The following TPP2 variants were observed in gnomAD, a reference collection of about 807,000 sequenced individuals.
The protein encoded by TPP2 is tripeptidyl peptidase 2.
In TPP2, 34 loss-of-function variants were observed where a neutral mutation model predicts 155.9. The ratio of observed to expected loss-of-function variants is 0.22; its 90% confidence interval spans 0.17 to 0.29. The LOEUF is 0.29. TPP2 is among the 10% of genes least tolerant of loss of function. The pLI is 1.00. For synonymous variants in TPP2, 510 were observed against 529.4 expected (o/e 0.96, Z 0.50); for missense variants, 1,028 against 1,522.3 (o/e 0.68, Z 5.40).
intron 24 of TPP2, among the ~76,000 whole-genome samples, chr13:102,656,209 CT>C (rs1478277029): frequency 6.6e-6 from 1 of 152,174 alleles, no homozygotes; most frequent in Non-Finnish European, 1.5e-5. Context: ...AAGCAGAAAT[CT>C]TTAATCATGT....
At chr13:102,671,677 C>A (rs910231623) in intron 27 of TPP2, among the ~76,000 whole-genome samples, 6 of 152,132 alleles carry the variant, frequency 3.9e-5, no homozygotes, top group African/African-American at 1.4e-4. Flanking sequence ...ATGCCGCTTG[C>A]CTAAGACAGG....
chr13:102,614,781 G>A (rs1279421500), intron 3 of TPP2, among the ~76,000 whole-genome samples: 1 of 152,142 alleles, frequency 6.6e-6, no homozygotes, highest in African/African-American at 2.4e-5. Flanking sequence ...CTGTGATAAT[G>A]GAAATGTTTG....
chr13:102,674,570 A>G (rs891802082), intron 28 of TPP2, 80 bp downstream of exon 28: 2 of 1,377,826 alleles, frequency 1.5e-6, no homozygotes, highest in Non-Finnish European at 2.0e-6. Flanking sequence ...GCTGGTTAAA[A>G]GAGGAAGAAG....
intron 1 of TPP2, among the ~76,000 whole-genome samples, chr13:102,604,111 G>A (rs1444388058): frequency 1.3e-5 from 2 of 152,162 alleles, no homozygotes; most frequent in African/African-American, 4.8e-5. Context: ...AAAATCAGGT[G>A]GTGGGGGGCA....
intron 27 of TPP2, among the ~76,000 whole-genome samples, chr13:102,670,444 A>C (rs1436518342): frequency 6.6e-6 from 1 of 152,180 alleles, no homozygotes; most frequent in Non-Finnish European, 1.5e-5. Context: ...AGGGAGATAG[A>C]GTTTTAGTTC....
At chr13:102,625,314 A>G (rs531580448) in intron 6 of TPP2, among the ~76,000 whole-genome samples, 2 of 150,384 alleles carry the variant, frequency 1.3e-5, no homozygotes, top group Non-Finnish European at 3.0e-5. Context: ...GCAGGCGCCC[A>G]CTACCATGCC....
At chr13:102,633,358 A>G (rs1882148823) in intron 10 of TPP2, among the ~76,000 whole-genome samples, 1 of 152,162 alleles carries the variant, frequency 6.6e-6, no homozygotes, top group African/African-American at 2.4e-5. Context: ...TGTACACCAA[A>G]TTTCAAAGAC....
chr13:102,675,892 C>T (rs1885254912), intron 28 of TPP2, among the ~76,000 whole-genome samples: 1 of 152,088 alleles, frequency 6.6e-6, no homozygotes, highest in Non-Finnish European at 1.5e-5. Context: ...CAGGTAAAAA[C>T]TTGTACCAAA....
At position 102,667,645 on chromosome 13, in the gene TPP2, C is replaced by T. The variant is rs532813610; in HGVS notation, c.3371+2720C>T. On this transcript the variant is annotated intron_variant, in intron 27 of 29. Transcript: ENST00000376052. Reference sequence around the variant, plus strand: ...AAAACCTAAGGAGAGGAAAGGAATACTCCAGATATGTAGAATTTAGATTAC... The same window carrying T: ...AAAACCTAAGGAGAGGAAAGGAATATTCCAGATATGTAGAATTTAGATTAC... 15 of 627,466 alleles carry T rather than the reference C, an allele frequency of 2.4e-5. No homozygotes were observed. The South Asian group carries it at 8.4e-4, about 35-fold the overall frequency. 38.9% of individuals were successfully genotyped at this position (627,466 alleles called of 1,614,324 possible). A position where few individuals can be genotyped will look rare whatever the true frequency, so the allele number is the denominator to read the frequency against.
intron 24 of TPP2, among the ~76,000 whole-genome samples, chr13:102,652,809 T>A (rs595671): frequency 0.5 from 75,193 of 151,784 alleles, 19,043 homozygotes; most frequent in African/African-American, 0.6. Flanking sequence ...AGCATTTTTT[T>A]AAAATAGGAA....
chr13:102,619,235 A>G (rs1022792430), intron 5 of TPP2, among the ~76,000 whole-genome samples: 1 of 152,298 alleles, frequency 6.6e-6, no homozygotes, highest in South Asian at 2.1e-4. Flanking sequence ...TGCTGTTTCT[A>G]TTACTAAAAC....
Position 102,678,227 on chromosome 13 carries a change from C to A in TPP2, c.3700C>A (p.Leu1234Met). The change falls in exon 30 of 30, where the codon CTG (leucine) becomes ATG (methionine). Residue 1234 changes from leucine to methionine, a missense_variant and splice_region_variant. Leu to Met is a conservative substitution (Grantham distance 15, BLOSUM62 2). Coordinates refer to ENST00000376052, the MANE Select transcript of TPP2 (RefSeq NM_001330588.2). ...TKENWKNCIQLMKLLGWTHCA... is the reference protein window; with the variant it reads ...TKENWKNCIQMMKLLGWTHCA... ...AATATATTATTGTATTTTGTTGTAG[C>A]TGATGAAGTTACTTGGATGGACCCA... 1 of 1,610,336 alleles carries A rather than the reference C, an allele frequency of 6.2e-7. No individual in the cohort carries two copies. The highest frequency in any genetic ancestry group is 8.5e-7 in the Non-Finnish European group (1 of 1,178,594).
In TPP2 at chr13:102,644,557, G is replaced by T; in HGVS notation, c.2176G>T (p.Gly726Cys). 1 of 1,597,364 alleles carries T rather than the reference G, an allele frequency of 6.3e-7. No individual in the cohort carries two copies. Among genetic ancestry groups the T allele is most frequent in the Non-Finnish European group, 8.5e-7 (1 of 1,172,440 alleles). Residue 726 changes from glycine (G) to cysteine (C), a missense_variant and splice_region_variant, in exon 18 of 30, where the codon GGT becomes TGT. By Grantham distance (159) the Gly-to-Cys change is radical. Coordinates refer to ENST00000376052, the MANE Select transcript of TPP2 (RefSeq NM_001330588.2). The part of the protein sequence containing the change: ...GTLTEAFPVL[G>C]GKAIEFCIAR... The stretch of plus-strand genomic sequence containing the variant: ...ATATTTTATTTACTTTTATTTGCAG[G>T]GTGGAAAAGCAATTGAATTTTGCAT...
intron 5 of TPP2, among the ~76,000 whole-genome samples, chr13:102,620,143 G>A (rs1028323155): frequency 2.0e-5 from 3 of 152,182 alleles, no homozygotes; most frequent in African/African-American, 7.2e-5. Flanking sequence ...CTTAGGAAAA[G>A]GAATCCGGAG....
At chr13:102,676,747 A>G (rs936834989) in intron 29 of TPP2, among the ~76,000 whole-genome samples, 1 of 152,188 alleles carries the variant, frequency 6.6e-6, no homozygotes, top group Non-Finnish European at 1.5e-5. Context: ...TGTTGCCTCA[A>G]CTCTAAAATG....
intron 10 of TPP2, among the ~76,000 whole-genome samples, chr13:102,632,781 A>C (rs1437364679): frequency 6.6e-6 from 1 of 152,354 alleles, no homozygotes; most frequent in Admixed American, 6.5e-5. Context: ...TGCAGGTGAC[A>C]TATTGATGAA....
rs34410226 is a variant in TPP2, at chr13:102,605,748, G to A, written c.294+827G>A. On this transcript the variant is annotated intron_variant, in intron 2 of 29. Coordinates refer to ENST00000376052, the MANE Select transcript of TPP2 (RefSeq NM_001330588.2). ...TTTTTCTTTTTTTTTTCGAGACATA[G>A]AGTCTTGCTCCGTTGCTCAGGCTAG... Among the ~76,000 whole-genome samples the A allele has an allele frequency of 2.8e-5, 4 of 141,066 alleles. No individual in the cohort carries two copies. The East Asian group carries it at 8.2e-4, about 29-fold the overall frequency. 92.5% of individuals were successfully genotyped at this position (141,066 alleles called of 152,430 possible). A position where few individuals can be genotyped will look rare whatever the true frequency, so the allele number is the denominator to read the frequency against.
intron 26 of TPP2, 90 bp downstream of exon 26, chr13:102,663,834 T>A: frequency 1.0e-6 from 1 of 996,886 alleles, no homozygotes; most frequent in Non-Finnish European, 1.4e-6. Context: ...TTCTCTTCTG[T>A]TCTTGCTAAC....
intron 12 of TPP2, among the ~76,000 whole-genome samples, chr13:102,635,971 C>T (rs1446418752): frequency 3.3e-5 from 5 of 152,068 alleles, no homozygotes; most frequent in Admixed American, 2.0e-4. Context: ...CCAATCATAA[C>T]GGCATAGGGA....
Sources: allele counts gnomAD v4.1 joint callset (sites outside exome capture counted in the v4.1 genomes callset), GRCh38; gene constraint gnomAD v4.1.1; transcripts MANE v1.5; gene names NCBI Gene and HGNC (gene_info 2026-07-23, HGNC 2026-07-21).